The following PCDHGA10 variants were observed in gnomAD, a reference collection of about 807,000 sequenced individuals.
PCDHGA10 encodes the protein protocadherin gamma subfamily A, 10.
Under a neutral mutation model 59.5 loss-of-function variants are expected in PCDHGA10, and 42 were observed. The observed-to-expected ratio is 0.71, with a 90% CI of 0.55 to 0.91. PCDHGA10 has a LOEUF of 0.91. PCDHGA10 is among the 40% of genes least tolerant of loss of function. The pLI, the probability that PCDHGA10 is intolerant of heterozygous loss-of-function variation, is 0.00. For synonymous variants in PCDHGA10, 511 were observed against 517.2 expected (o/e 0.99, Z 0.16); for missense variants, 1,111 against 1,198.2 (o/e 0.93, Z 1.07).
intron 1 of PCDHGA10, among the ~76,000 whole-genome samples, chr5:141,465,031 C>T (rs933448980): frequency 1.3e-5 from 2 of 151,958 alleles, no homozygotes; most frequent in Non-Finnish European, 1.5e-5. Context: ...CATGAACCAC[C>T]ACAAATGACC....
chr5:141,423,804 T>C (rs571396807), intron 1 of PCDHGA10: 50 of 1,240,508 alleles, frequency 4.0e-5, no homozygotes, highest in African/African-American at 2.7e-4. Flanking sequence ...GAGCAATACA[T>C]GTGAGTTTTA....
intron 2 of PCDHGA10, among the ~76,000 whole-genome samples, chr5:141,499,083 C>G (rs2099789346): frequency 6.6e-6 from 1 of 152,082 alleles, no homozygotes; most frequent in African/African-American, 2.4e-5. Flanking sequence ...GAAGTTCCTG[C>G]TTGGCACATG....
chr5:141,486,673 A>G lies in PCDHGA10; in HGVS notation c.2437-8134A>G. On this transcript the variant is annotated intron_variant, in intron 1 of 3. Transcript: ENST00000398610. The surrounding 1 kb of genome is among the most constrained non-coding windows in gnomAD (Gnocchi z 5.0). ...ACTCACTCCTGGAGCCCAGGAATCG[A>G]GATGTATCAGCTTCCTCTTTCATCT... The G allele has an allele frequency of 6.2e-7, 1 of 1,614,014 alleles. No homozygotes were observed. The highest frequency in any genetic ancestry group is 2.2e-5 in the East Asian group (1 of 44,866).
chr5:141,414,918 G>A lies in PCDHGA10; in HGVS notation c.1743G>A (p.Leu581=), dbSNP rs1316323072. ...CAGACGGTTCCACAGGCGTGGAGCT[G>A]GCGCCCCGCTCCGCAGAGCCCGGCT... ...LPTDGSTGVE[L]APRSAEPGYL... is the part of the protein sequence containing the mutation. The change falls in exon 1 of 4, where the codon CTG becomes CTA. Residue 581 remains leucine, a synonymous_variant. Transcript: ENST00000398610. 2 of 1,614,180 alleles carry A rather than the reference G, an allele frequency of 1.2e-6. No individual in the cohort carries two copies. Among genetic ancestry groups the A allele is most frequent in the Admixed American group, 3.3e-5 (2 of 60,034 alleles).
At chr5:141,468,965 T>C (rs2099187692) in intron 1 of PCDHGA10, among the ~76,000 whole-genome samples, 1 of 151,738 alleles carries the variant, frequency 6.6e-6, no homozygotes, top group Admixed American at 6.6e-5. Context: ...TTTTTTACCT[T>C]AGGCTTTTGA....
chr5:141,419,647 G>C (rs370948584), intron 1 of PCDHGA10: 6 of 1,612,592 alleles, frequency 3.7e-6, no homozygotes, highest in Non-Finnish European at 5.1e-6. Context: ...CCGTGGACGC[G>C]GACTCGGGGC....
In PCDHGA10 at chr5:141,431,931, C is replaced by T. The variant is rs2097430107; in HGVS notation, c.2436+16320C>T. ...ATCTGTTTCATCCAAGGAAATCTGCCCTTTAAATTAGAAAAATCTTACGGA... is the reference window on the plus strand; with the variant it reads ...ATCTGTTTCATCCAAGGAAATCTGCTCTTTAAATTAGAAAAATCTTACGGA... On this transcript the variant is annotated intron_variant, in intron 1 of 3. Transcript: ENST00000398610. This position sits in a 1 kb window ranked among gnomAD's most constrained non-coding sequence, Gnocchi z 4.8. The T allele has an allele frequency of 6.2e-7, 1 of 1,613,924 alleles. No homozygotes were observed. Among genetic ancestry groups the T allele is most frequent in the Admixed American group, 1.7e-5 (1 of 59,986 alleles).
intron 1 of PCDHGA10, among the ~76,000 whole-genome samples, chr5:141,449,041 C>T (rs998143732): frequency 3.3e-5 from 5 of 152,126 alleles, no homozygotes; most frequent in Admixed American, 3.3e-4. Flanking sequence ...GATTATTAAC[C>T]AGTCTCATAA....
intron 2 of PCDHGA10, among the ~76,000 whole-genome samples, chr5:141,503,292 A>G (rs7710319): frequency 6.6e-6 from 1 of 151,928 alleles, no homozygotes; most frequent in African/African-American, 2.4e-5. Flanking sequence ...TGGTACATAG[A>G]AATTGCTCAA....
At chr5:141,443,790 T>A (rs1178101439) in intron 1 of PCDHGA10, among the ~76,000 whole-genome samples, 2 of 151,832 alleles carry the variant, frequency 1.3e-5, no homozygotes, top group Admixed American at 6.6e-5. Flanking sequence ...ACAAAAAAAA[T>A]GAAAAGGAAA....
At position 141,419,393 on chromosome 5, in the gene PCDHGA10, G is replaced by A. The variant is rs1226844501; in HGVS notation, c.2436+3782G>A. On this transcript the variant is annotated intron_variant, in intron 1 of 3. Transcript: ENST00000398610. The stretch of plus-strand genomic sequence containing the variant: ...CTACGTGTCCGTGAGCGCGCAGAGC[G>A]GGGTGGTGTTCGCGCAGCGCGCCTT... 6.2e-7 allele frequency: 1 copy of A among 1,613,502 alleles called. No homozygotes were observed. Among genetic ancestry groups the A allele is most frequent in the Non-Finnish European group, 8.5e-7 (1 of 1,179,920 alleles).
rs756993242 is a variant in PCDHGA10 at position 141,432,265 on chromosome 5, G to T, written c.2436+16654G>T. 2.5e-6 allele frequency: 4 copies of T among 1,614,210 alleles called. No homozygotes were observed. The South Asian group carries it at 3.3e-5, about 13-fold the overall frequency. ...ACACCATCCAAGGGGCAAGCCTATC[G>T]TCCTACGTGTCCATCAACTCCGACA... On this transcript the variant is annotated intron_variant, in intron 1 of 3. Coordinates refer to ENST00000398610, the MANE Select transcript of PCDHGA10 (RefSeq NM_018913.3). This position sits in a 1 kb window ranked among gnomAD's most constrained non-coding sequence, Gnocchi z 6.0.
chr5:141,419,579 C>G (rs759041306), intron 1 of PCDHGA10: 11 of 1,611,812 alleles, frequency 6.8e-6, no homozygotes, highest in Non-Finnish European at 9.3e-6. Flanking sequence ...CGGCTCCGCG[C>G]TCTTCGACAC....
chr5:141,508,740 C>G (rs2099871405), intron 3 of PCDHGA10, among the ~76,000 whole-genome samples: 1 of 152,006 alleles, frequency 6.6e-6, no homozygotes. Flanking sequence ...CACCCCCCAC[C>G]CCGCTCTTTC....
Position 141,485,563 on chromosome 5 carries a change from C to T in PCDHGA10, c.2437-9244C>T, listed in dbSNP as rs746689576. The T allele has an allele frequency of 1.2e-5, 19 of 1,612,904 alleles. No homozygotes were observed. In the South Asian group the frequency reaches 1.6e-4, roughly 14 times the overall value. ...AGATCGTAGATGTGAATGATCACGCCCCCCGTTTTCCGCGGCAGCAGCTGG... is the reference window on the plus strand; with the variant it reads ...AGATCGTAGATGTGAATGATCACGCTCCCCGTTTTCCGCGGCAGCAGCTGG... On this transcript the variant is annotated intron_variant, in intron 1 of 3. Coordinates refer to ENST00000398610, the MANE Select transcript of PCDHGA10 (RefSeq NM_018913.3). This position sits in a 1 kb window ranked among gnomAD's most constrained non-coding sequence, Gnocchi z 5.7.
rs542248328 is a variant in PCDHGA10, at chr5:141,432,682, C to T, written c.2436+17071C>T. ...TGGACAGAGACGCGCTCAAGCAGAG[C>T]CTCGTAGTGGCCGTCCAGGACCACG... On this transcript the variant is annotated intron_variant, in intron 1 of 3. Coordinates refer to ENST00000398610, the MANE Select transcript of PCDHGA10 (RefSeq NM_018913.3). This position sits in a 1 kb window ranked among gnomAD's most constrained non-coding sequence, Gnocchi z 6.0. The T allele has an allele frequency of 6.5e-5, 105 of 1,613,976 alleles. No homozygotes were observed. In the African/African-American group the frequency reaches 1.1e-3, roughly 17 times the overall value.
chr5:141,415,416 G>C lies in PCDHGA10; in HGVS notation c.2241G>C (p.Val747=), dbSNP rs747598923. ...TGTCCGGCTCGCACTTTGTGGGCGT[G>C]GACGGGGTTCGGGCTTTCCTGCAGA... is the stretch of plus-strand genomic sequence containing the variant. The part of the protein sequence containing the change: ...TGVSGSHFVG[V]DGVRAFLQTY... The change falls in exon 1 of 4, where the codon GTG becomes GTC. Residue 747 remains valine (V), a synonymous_variant. Transcript: ENST00000398610. The C allele has an allele frequency of 1.9e-6, 3 of 1,614,220 alleles. No individual in the cohort carries two copies. Among genetic ancestry groups the C allele is most frequent in the Non-Finnish European group, 2.5e-6 (3 of 1,180,040 alleles).
chr5:141,465,312 A>G (rs2099100692), intron 1 of PCDHGA10, among the ~76,000 whole-genome samples: 1 of 152,314 alleles, frequency 6.6e-6, no homozygotes, highest in South Asian at 2.1e-4. Flanking sequence ...GAATTTAGCC[A>G]TGTCAATGCA....
intron 3 of PCDHGA10, among the ~76,000 whole-genome samples, chr5:141,509,636 C>T (rs1199892148): frequency 6.6e-6 from 1 of 152,164 alleles, no homozygotes; most frequent in Non-Finnish European, 1.5e-5. Context: ...TGATGCTGAG[C>T]CAGGGCCAGA....
Sources: gnomAD v4.1 joint callset for allele counts (sites outside exome capture counted in the v4.1 genomes callset) on GRCh38, gnomAD v4.1.1 for gene constraint, Gnocchi (gnomAD v3.1) non-coding constraint, MANE v1.5 for transcripts, NCBI Gene and HGNC (gene_info 2026-07-23, HGNC 2026-07-21) for gene names.